The following FHIT variants were observed in gnomAD, a reference collection of about 807,000 sequenced individuals.
The protein encoded by FHIT is bis(5'-adenosyl)-triphosphatase.
In FHIT, 19 loss-of-function variants were observed where a neutral mutation model predicts 17.9. That is an observed-to-expected ratio of 1.06 (90% confidence interval 0.74 to 1.56). The LOEUF is 1.56. Among genes scored for constraint, FHIT ranks in the 40% most tolerant of loss-of-function variants. The pLI, the probability that FHIT is intolerant of heterozygous loss-of-function variation, is 0.00. For missense variants in FHIT, 248 were observed against 189.2 expected, an observed-to-expected ratio of 1.31 and a Z score of -1.82; for synonymous variants, 81 against 69.7, an observed-to-expected ratio of 1.16 and a Z score of -0.81.
At chr3:60,708,142 A>G (rs782669864) in intron 4 of FHIT, among the ~76,000 whole-genome samples, 2 of 152,190 alleles carry the variant, frequency 1.3e-5, no homozygotes, top group Non-Finnish European at 2.9e-5. Flanking sequence ...ATTCAAGTAT[A>G]ATTTTATCCT....
At chr3:61,014,344 A>C (rs1249948533) in intron 3 of FHIT, among the ~76,000 whole-genome samples, 1 of 152,174 alleles carries the variant, frequency 6.6e-6, no homozygotes, top group Non-Finnish European at 1.5e-5. Flanking sequence ...TGCCTAGAAC[A>C]GTATGAGGTA....
chr3:61,034,378 A>C (rs1457870966), intron 3 of FHIT, among the ~76,000 whole-genome samples: 2 of 152,180 alleles, frequency 1.3e-5, no homozygotes, highest in African/African-American at 4.8e-5. Flanking sequence ...ACAAGGGTCT[A>C]GTATCCAGAA....
intron 2 of FHIT, among the ~76,000 whole-genome samples, chr3:61,100,832 G>A (rs560249943): frequency 6.6e-6 from 1 of 152,212 alleles, no homozygotes; most frequent in African/African-American, 2.4e-5. Flanking sequence ...ATTTTTTCAT[G>A]TGTCTGCTGA....
intron 5 of FHIT, among the ~76,000 whole-genome samples, chr3:60,305,618 A>G (rs1708635323): frequency 6.6e-6 from 1 of 152,132 alleles, no homozygotes; most frequent in African/African-American, 2.4e-5. Flanking sequence ...TAAGATCTTT[A>G]AACTGTCTAG....
At chr3:60,315,436 C>T (rs1709121559) in intron 5 of FHIT, among the ~76,000 whole-genome samples, 4 of 152,150 alleles carry the variant, frequency 2.6e-5, no homozygotes, top group Admixed American at 2.6e-4. Context: ...ACATTTCCCT[C>T]AATAAACATC....
At chr3:60,806,352 TG>T (rs1553734178) in intron 4 of FHIT, among the ~76,000 whole-genome samples, 1 of 152,208 alleles carries the variant, frequency 6.6e-6, no homozygotes, top group Non-Finnish European at 1.5e-5. Flanking sequence ...AGGCTCACTT[TG>T]GTCCTTCTAG....
intron 5 of FHIT, among the ~76,000 whole-genome samples, chr3:60,058,284 AC>A (rs1702166552): frequency 1.3e-5 from 2 of 151,692 alleles, no homozygotes; most frequent in Non-Finnish European, 2.9e-5. Flanking sequence ...AGCTGGGATT[AC>A]ATGCCCAGCT....
At chr3:59,917,201 C>G (rs757042862) in intron 8 of FHIT, among the ~76,000 whole-genome samples, 1 of 152,226 alleles carries the variant, frequency 6.6e-6, no homozygotes, top group African/African-American at 2.4e-5. Context: ...ATGCTTGAAC[C>G]CACAGTTGCT....
At chr3:60,263,966 C>T (rs555970567) in intron 5 of FHIT, among the ~76,000 whole-genome samples, 69 of 151,406 alleles carry the variant, frequency 4.6e-4, no homozygotes, top group South Asian at 2.5e-3. Flanking sequence ...AGAATTTTAC[C>T]AATCATCTTA....
chr3:61,113,810 G>A (rs1380028993), intron 2 of FHIT, among the ~76,000 whole-genome samples: 2 of 152,158 alleles, frequency 1.3e-5, no homozygotes, highest in Non-Finnish European at 2.9e-5. Flanking sequence ...GAAGCAAGTC[G>A]AAGAAACATC....
intron 7 of FHIT, among the ~76,000 whole-genome samples, chr3:59,969,878 G>A (rs983805353): frequency 2.0e-5 from 3 of 152,062 alleles, no homozygotes; most frequent in Non-Finnish European, 4.4e-5. Flanking sequence ...TCCAAGGAAA[G>A]GATCGTTGAA....
At chr3:60,922,191 G>A (rs1314276409) in intron 3 of FHIT, among the ~76,000 whole-genome samples, 1 of 152,182 alleles carries the variant, frequency 6.6e-6, no homozygotes, top group East Asian at 1.9e-4. Flanking sequence ...TTTTTGTGGG[G>A]ATGCAGCAAA....
chr3:60,503,310 C>T (rs891276186), intron 5 of FHIT, among the ~76,000 whole-genome samples: 12 of 152,104 alleles, frequency 7.9e-5, no homozygotes, highest in Non-Finnish European at 1.3e-4. Flanking sequence ...AAATGTTTTT[C>T]CACTTTGCTT....
chr3:61,119,205 A>T (rs1576048296), intron 2 of FHIT, among the ~76,000 whole-genome samples: 1 of 152,020 alleles, frequency 6.6e-6, no homozygotes, highest in African/African-American at 2.4e-5. Context: ...GCTTAGCTTC[A>T]TAGATACTGT....
intron 5 of FHIT, among the ~76,000 whole-genome samples, chr3:60,121,401 A>G (rs1237049206): frequency 2.6e-5 from 4 of 152,210 alleles, no homozygotes; most frequent in East Asian, 3.9e-4. Flanking sequence ...ATACATGTGT[A>G]CAGGCCGGGC....
At chr3:60,401,923 T>C (rs1701673710) in intron 5 of FHIT, among the ~76,000 whole-genome samples, 1 of 152,144 alleles carries the variant, frequency 6.6e-6, no homozygotes, top group African/African-American at 2.4e-5. Context: ...GGTCATTTCT[T>C]CTCTGAAGCC....
chr3:60,028,000 A>G (rs1700826590), intron 5 of FHIT, among the ~76,000 whole-genome samples: 1 of 152,154 alleles, frequency 6.6e-6, no homozygotes. Flanking sequence ...TAAACTTTAC[A>G]TTTTAAATAC....
intron 3 of FHIT, among the ~76,000 whole-genome samples, chr3:61,017,479 T>C (rs748973721): frequency 2.8e-4 from 43 of 152,302 alleles, no homozygotes; most frequent in Non-Finnish European, 4.1e-4. Context: ...AACACAAGTT[T>C]TGAAAAAATT....
At chr3:59,939,333 A>G (rs74773685) in intron 7 of FHIT, among the ~76,000 whole-genome samples, 20,746 of 152,122 alleles carry the variant, frequency 0.14, 1,775 homozygotes, top group Middle Eastern at 0.24. Flanking sequence ...ACACTGCATC[A>G]TACCATTTAG....
Sources: gnomAD v4.1 joint callset for allele counts (sites outside exome capture counted in the v4.1 genomes callset) on GRCh38, gnomAD v4.1.1 for gene constraint, MANE v1.5 for transcripts, NCBI Gene and HGNC (gene_info 2026-07-23, HGNC 2026-07-21) for gene names.